Variants in MALRD1 observed in about 807,000 individuals in gnomAD.
The protein encoded by MALRD1 is MAM and LDL receptor class A domain containing 1.
In MALRD1, 247 loss-of-function variants were observed where a neutral mutation model predicts 242.1. That is an observed-to-expected ratio of 1.02 (90% confidence interval 0.92 to 1.13). MALRD1 has a LOEUF of 1.13. MALRD1 is among the 50% of genes most tolerant of loss of function. MALRD1 has a pLI of 0.00. For missense variants in MALRD1, 2,989 were observed against 2,533.1 expected, an observed-to-expected ratio of 1.18 and a Z score of -3.86; for synonymous variants, 995 against 866.6, an observed-to-expected ratio of 1.15 and a Z score of -2.60.
intron 18 of MALRD1, among the ~76,000 whole-genome samples, chr10:19,255,249 G>T (rs1839456768): frequency 6.6e-6 from 1 of 151,926 alleles, no homozygotes; most frequent in African/African-American, 2.4e-5. Context: ...CACTCCGTAA[G>T]GTAGCAATGG....
intron 4 of MALRD1, among the ~76,000 whole-genome samples, chr10:19,097,740 A>G (rs1013418769): frequency 2.6e-5 from 4 of 152,200 alleles, no homozygotes; most frequent in Non-Finnish European, 5.9e-5. Flanking sequence ...CATTTACTAA[A>G]CAGACCTGGA....
At chr10:19,522,107 C>T (rs949052586) in intron 31 of MALRD1, among the ~76,000 whole-genome samples, 55 of 143,626 alleles carry the variant, frequency 3.8e-4, no homozygotes, top group Admixed American at 4.0e-4. Flanking sequence ...TAATTGGTGA[C>T]TCCTGGTCCG....
intron 21 of MALRD1, among the ~76,000 whole-genome samples, chr10:19,292,155 G>C (rs184494307): frequency 6.6e-6 from 1 of 151,412 alleles, no homozygotes; most frequent in East Asian, 1.9e-4. Flanking sequence ...AGTTTTGAGG[G>C]AAAACTCTAC....
At chr10:19,069,611 A>G (rs1835080263) in intron 2 of MALRD1, among the ~76,000 whole-genome samples, 1 of 151,858 alleles carries the variant, frequency 6.6e-6, no homozygotes, top group Non-Finnish European at 1.5e-5. Flanking sequence ...TTTCCCCCTG[A>G]AAATGTTTTT....
chr10:19,688,271 T>A (rs182568130), intron 36 of MALRD1, among the ~76,000 whole-genome samples: 2 of 149,260 alleles, frequency 1.3e-5, no homozygotes, highest in African/African-American at 5.0e-5. Context: ...GTGCCCGGCC[T>A]ATTATTATTA....
At chr10:19,051,660 C>T (rs189204904) in intron 1 of MALRD1, 5 of 153,022 alleles carry the variant, frequency 3.3e-5, no homozygotes, top group Admixed American at 3.3e-4. Context: ...CGCGGTGGCT[C>T]ACGCCTGTAA....
chr10:19,053,572 G>C (rs923580659), intron 1 of MALRD1, among the ~76,000 whole-genome samples: 1 of 152,088 alleles, frequency 6.6e-6, no homozygotes, highest in Non-Finnish European at 1.5e-5. Context: ...AGAATTAAAA[G>C]CAGTTCATTG....
At chr10:19,670,651 C>T (rs1841873439) in intron 36 of MALRD1, among the ~76,000 whole-genome samples, 1 of 152,114 alleles carries the variant, frequency 6.6e-6, no homozygotes, top group Non-Finnish European at 1.5e-5. Context: ...CAACTTGGTC[C>T]TCACACTGGC....
intron 6 of MALRD1, among the ~76,000 whole-genome samples, chr10:19,124,145 A>AGT (rs1276376234): frequency 1.3e-5 from 2 of 151,676 alleles, no homozygotes; most frequent in Non-Finnish European, 2.9e-5. Flanking sequence ...TGAGCCCAGG[A>AGT]GTTTAAGGCT....
intron 21 of MALRD1, among the ~76,000 whole-genome samples, chr10:19,313,431 A>G (rs1280881735): frequency 6.6e-6 from 1 of 151,404 alleles, no homozygotes; most frequent in African/African-American, 2.4e-5. Flanking sequence ...TTTTGGCCTA[A>G]AATCTAATTT....
At chr10:19,675,437 G>A (rs1842099133) in intron 36 of MALRD1, among the ~76,000 whole-genome samples, 1 of 152,160 alleles carries the variant, frequency 6.6e-6, no homozygotes, top group Admixed American at 6.5e-5. Flanking sequence ...CTTTCACAGG[G>A]ATGTTCTAAG....
At chr10:19,378,705 G>A (rs1383898743) in intron 26 of MALRD1, among the ~76,000 whole-genome samples, 2 of 151,996 alleles carry the variant, frequency 1.3e-5, no homozygotes, top group Non-Finnish European at 2.9e-5. Context: ...TGTCTTATGT[G>A]CAGAACTTTA....
chr10:19,167,078 G>A (rs1476201917), intron 13 of MALRD1, among the ~76,000 whole-genome samples: 1 of 152,188 alleles, frequency 6.6e-6, no homozygotes, highest in South Asian at 2.1e-4. Flanking sequence ...CAAGTTAAAG[G>A]GTTGGGGGTG....
intron 31 of MALRD1, among the ~76,000 whole-genome samples, chr10:19,523,712 TGAGGTATTCTTGCTGCTGAGCATATTA>T (rs1262341338): frequency 6.6e-6 from 1 of 152,124 alleles, no homozygotes; most frequent in Non-Finnish European, 1.5e-5. Flanking sequence ...TTCCTGTGAT[TGAGGTATTCTTGCTGCTGAGCATATTA>T]GGTTCTTTAA....
At chr10:19,655,786 A>G (rs1841127963) in intron 36 of MALRD1, among the ~76,000 whole-genome samples, 1 of 151,950 alleles carries the variant, frequency 6.6e-6, no homozygotes, top group Admixed American at 6.6e-5. Flanking sequence ...CTATTCTGCT[A>G]AAGGGCCACA....
intron 19 of MALRD1, among the ~76,000 whole-genome samples, chr10:19,278,280 G>C (rs750116299): frequency 6.6e-6 from 1 of 151,978 alleles, no homozygotes; most frequent in Non-Finnish European, 1.5e-5. Flanking sequence ...TTTTCACCTG[G>C]CAAGATGAGC....
rs757109185 is a variant in MALRD1 at position 19,719,205 on chromosome 10, T to TATACACAC, written c.6315-11498_6315-11497insCACACATA. On this transcript the variant is annotated intron_variant, in intron 38 of 39. Coordinates refer to ENST00000454679, the MANE Select transcript of MALRD1 (RefSeq NM_001142308.3). ...ATATATATATACATACATATATATA[T>TATACACAC]ATATATACACATACATACATATATA... Among the ~76,000 whole-genome samples the TATACACAC allele has an allele frequency of 3.1e-5, 3 of 96,278 alleles. 1 individual carries two copies. The highest frequency in any genetic ancestry group is 1.4e-4 in the African/African-American group (3 of 20,832). The allele number at this position is 96,278 out of a possible 152,430, so 63.2% of individuals were successfully genotyped here.
chr10:19,610,422 A>T (rs143772630), intron 35 of MALRD1, among the ~76,000 whole-genome samples: 495 of 151,926 alleles, frequency 3.3e-3, no homozygotes, highest in African/African-American at 0.011. Flanking sequence ...CTCTGCTTCT[A>T]TGATATCAAC....
intron 14 of MALRD1, among the ~76,000 whole-genome samples, chr10:19,183,824 A>G (rs1044345267): frequency 1.2e-4 from 18 of 152,236 alleles, no homozygotes; most frequent in South Asian, 6.2e-4. Flanking sequence ...TGGATGATTT[A>G]ATCAAATGTT....
Sources: gnomAD v4.1 joint callset for allele counts (sites outside exome capture counted in the v4.1 genomes callset) on GRCh38, gnomAD v4.1.1 for gene constraint, MANE v1.5 for transcripts, NCBI Gene and HGNC (gene_info 2026-07-23, HGNC 2026-07-21) for gene names.